The following NEUROD4 variants were observed in gnomAD, a reference collection of about 807,000 sequenced individuals.
NEUROD4 encodes the protein neurogenic differentiation factor 4.
In NEUROD4, 16 loss-of-function variants were observed where a neutral mutation model predicts 19.8. The observed-to-expected ratio is 0.81, with a 90% confidence interval of 0.55 to 1.23. The LOEUF is 1.23. Among genes scored for constraint, NEUROD4 ranks in the 50% most tolerant of loss-of-function variants. The pLI, the probability that NEUROD4 is intolerant of heterozygous loss-of-function variation, is 0.00. For synonymous variants in NEUROD4, 153 were observed against 147.9 expected, an observed-to-expected ratio of 1.03 and a Z score of -0.25; for missense variants, 439 against 398.6, an observed-to-expected ratio of 1.10 and a Z score of -0.86.
chr12:55,024,584 G>C (rs1181954273), intron 1 of NEUROD4, among the ~76,000 whole-genome samples: 1 of 152,188 alleles, frequency 6.6e-6, no homozygotes, highest in Admixed American at 6.5e-5. Context: ...CCTGCCTCTG[G>C]AAGAGCTGTG....
chr12:55,029,642 T>C lies in NEUROD4; in HGVS notation c.*2207T>C, dbSNP rs752278953. The C allele has an allele frequency of 2.9e-4, 48 of 167,004 alleles. No homozygotes were observed. Among genetic ancestry groups the C allele is most frequent in the Non-Finnish European group, 5.3e-4 (36 of 68,092 alleles). 10.3% of individuals were successfully genotyped at this position (167,004 alleles called of 1,614,324 possible). A position where few individuals can be genotyped will look rare whatever the true frequency, so the allele number is the denominator to read the frequency against. On this transcript the variant is annotated 3_prime_UTR_variant, in exon 2 of 2. Transcript: ENST00000242994. Reference sequence around the variant, plus strand: ...TTTGGAGTGAGGGGAAAGGAAAAAATAGAGAATTACCTCTGTGATAATTTT... The same window carrying C: ...TTTGGAGTGAGGGGAAAGGAAAAAACAGAGAATTACCTCTGTGATAATTTT...
At position 55,027,107 on chromosome 12, in the gene NEUROD4, A is replaced by G. The variant is rs118105704; in HGVS notation, c.668A>G (p.His223Arg). ...PYGHMETHLL[H>R]LKPQVFKSLG... ...GGTCATATGGAAACACATCTCCTTC[A>G]TCTCAAGCCCCAAGTATTCAAGAGT... The change falls in exon 2 of 2, where the codon CAT becomes CGT. Residue 223 changes from histidine (H) to arginine (R), a missense_variant. His to Arg is a conservative substitution (Grantham distance 29, BLOSUM62 0). Transcript: ENST00000242994. 0.017 allele frequency: 26,710 copies of G among 1,614,076 alleles called. 238 individuals carry two copies. Among genetic ancestry groups the G allele is most frequent in the Non-Finnish European group, 0.02 (23,401 of 1,179,996 alleles).
At position 55,027,612 on chromosome 12, in the gene NEUROD4, G is replaced by C; in HGVS notation, c.*177G>C. On this transcript the variant is annotated 3_prime_UTR_variant, in exon 2 of 2. Transcript: ENST00000242994. The stretch of plus-strand genomic sequence containing the variant: ...TCTTTTCTCATCACCTTCTCACATT[G>C]CATTGATTTCTTTATAGAGTCCTCA... The C allele has an allele frequency of 1.6e-6, 1 of 610,462 alleles. No homozygotes were observed. 37.8% of individuals were successfully genotyped at this position (610,462 alleles called of 1,614,324 possible).
Position 55,027,676 on chromosome 12 carries a change from A to G in NEUROD4, c.*241A>G, listed in dbSNP as rs1952751140. On this transcript the variant is annotated 3_prime_UTR_variant, in exon 2 of 2. Coordinates refer to ENST00000242994, the MANE Select transcript of NEUROD4 (RefSeq NM_021191.3). Reference sequence around the variant, plus strand: ...GATGATTTAACAACCATGTGAAAATAGAACAGAAGACCTGGGCCCTATTCC... The same window carrying G: ...GATGATTTAACAACCATGTGAAAATGGAACAGAAGACCTGGGCCCTATTCC... 2.3e-6 allele frequency: 1 copy of G among 429,448 alleles called. No homozygotes were observed. Among genetic ancestry groups the G allele is most frequent in the Non-Finnish European group, 4.2e-6 (1 of 235,416 alleles). The allele number at this position is 429,448 out of a possible 1,614,324, so 26.6% of individuals were successfully genotyped here. A position where few individuals can be genotyped will look rare whatever the true frequency, so the allele number is the denominator to read the frequency against.
rs77755589 is a variant in NEUROD4, at chr12:55,029,960, A to G, written c.*2525A>G. 0.057 allele frequency: 9,461 copies of G among 166,898 alleles called. 746 individuals are homozygous for G. Among genetic ancestry groups the G allele is most frequent in the African/African-American group, 0.18 (7,604 of 41,536 alleles). 10.3% of individuals were successfully genotyped at this position (166,898 alleles called of 1,614,324 possible). Reference sequence around the variant, plus strand: ...TAATTGTTTAAATATTTTGTTTAAAATATGACTGTTTTTCCTCCCTTTTTC... The same window carrying G: ...TAATTGTTTAAATATTTTGTTTAAAGTATGACTGTTTTTCCTCCCTTTTTC... On this transcript the variant is annotated 3_prime_UTR_variant, in exon 2 of 2. Transcript: ENST00000242994.
rs1429856157 is a variant in NEUROD4 at position 55,029,442 on chromosome 12, G to A, written c.*2007G>A. The A allele has an allele frequency of 1.2e-5, 2 of 166,882 alleles. No homozygotes were observed. The highest frequency in any genetic ancestry group is 4.8e-5 in the African/African-American group (2 of 41,428). 10.3% of individuals were successfully genotyped at this position (166,882 alleles called of 1,614,324 possible). A position where few individuals can be genotyped will look rare whatever the true frequency, so the allele number is the denominator to read the frequency against. On this transcript the variant is annotated 3_prime_UTR_variant, in exon 2 of 2. Coordinates refer to ENST00000242994, the MANE Select transcript of NEUROD4 (RefSeq NM_021191.3). ...CTATCCTCGAAGCTAGCATTTTCTGGCATTTAAGTTTGTAGATAATCACTG... is the reference window on the plus strand; with the variant it reads ...CTATCCTCGAAGCTAGCATTTTCTGACATTTAAGTTTGTAGATAATCACTG...
chr12:55,025,790 A>G (rs1952721711), intron 1 of NEUROD4, among the ~76,000 whole-genome samples: 1 of 152,198 alleles, frequency 6.6e-6, no homozygotes, highest in Non-Finnish European at 1.5e-5. Flanking sequence ...GAAGGAGATG[A>G]TTGAGGCCAC....
In NEUROD4 at chr12:55,029,236, T is replaced by G. The variant is rs1392289234; in HGVS notation, c.*1801T>G. 1 of 166,810 alleles carries G rather than the reference T, an allele frequency of 6.0e-6. No homozygotes were observed. The highest frequency in any genetic ancestry group is 1.5e-5 in the Non-Finnish European group (1 of 68,082). 10.3% of individuals were successfully genotyped at this position (166,810 alleles called of 1,614,324 possible). A position where few individuals can be genotyped will look rare whatever the true frequency, so the allele number is the denominator to read the frequency against. ...ACCCTGCTGTATTTTGCACCCTTGG[T>G]TTGTAAATTCACTTGAAAGTAGCCT... On this transcript the variant is annotated 3_prime_UTR_variant, in exon 2 of 2. Transcript: ENST00000242994.
In NEUROD4 at chr12:55,028,540, G is replaced by T. The variant is rs746962198; in HGVS notation, c.*1105G>T. 1.2e-5 allele frequency: 2 copies of T among 166,880 alleles called. No individual in the cohort carries two copies. The highest frequency in any genetic ancestry group is 4.8e-5 in the African/African-American group (2 of 41,386). The allele number at this position is 166,880 out of a possible 1,614,324, so 10.3% of individuals were successfully genotyped here. A position where few individuals can be genotyped will look rare whatever the true frequency, so the allele number is the denominator to read the frequency against. On this transcript the variant is annotated 3_prime_UTR_variant, in exon 2 of 2. Coordinates refer to ENST00000242994, the MANE Select transcript of NEUROD4 (RefSeq NM_021191.3). ...CAAGATGAATTTCATTTGGTTAAAC[G>T]TGATTAAAACCATCCACCTCTGTCC...
At position 55,026,824 on chromosome 12, in the gene NEUROD4, C is replaced by G; in HGVS notation, c.385C>G (p.Leu129Val). ...KTQKLSKIETLRLARNYIWAL... is the reference protein window; with the variant it reads ...KTQKLSKIETVRLARNYIWAL... ...CCAAAAACTTTCCAAGATAGAGACT[C>G]TTAGACTGGCCAGGAACTATATTTG... The change falls in exon 2 of 2, where the codon CTT becomes GTT. Residue 129 changes from leucine (L) to valine (V), a missense_variant. Transcript: ENST00000242994. 11 of 1,614,142 alleles carry G rather than the reference C, an allele frequency of 6.8e-6. No homozygotes were observed. The highest frequency in any genetic ancestry group is 9.3e-6 in the Non-Finnish European group (11 of 1,180,008).
chr12:55,026,071 C>G (rs1952724366), intron 1 of NEUROD4, among the ~76,000 whole-genome samples: 1 of 152,020 alleles, frequency 6.6e-6, no homozygotes, highest in Non-Finnish European at 1.5e-5. Context: ...TCTACTTGGA[C>G]AGTAATTTAT....
rs1952665921 is a variant in NEUROD4, at chr12:55,020,223, CCAT to C, written c.-98_-96del. 6.6e-6 allele frequency: 1 copy of C among 152,268 alleles called. No individual in the cohort carries two copies. Among genetic ancestry groups the C allele is most frequent in the South Asian group, 2.1e-4 (1 of 4,830 alleles). 9.4% of individuals were successfully genotyped at this position (152,268 alleles called of 1,614,324 possible). On this transcript the variant is annotated 5_prime_UTR_variant, in exon 1 of 2. Coordinates refer to ENST00000242994, the MANE Select transcript of NEUROD4 (RefSeq NM_021191.3). ...TGGATCGCTGAAAGCGTCTCTTCTA[CCAT>C]CTGGATGGTCAGGGAGACTTGGCTT...
In NEUROD4 at chr12:55,027,177, A is replaced by AC; in HGVS notation, c.743dup (p.Tyr249LeufsTer2). 6.2e-7 allele frequency: 1 copy of AC among 1,613,774 alleles called. No homozygotes were observed. The highest frequency in any genetic ancestry group is 1.7e-4 in the Middle Eastern group (1 of 6,058). ...GGAGCCATCTGCCTGACTGCAGTACACCCCCTTATGAGGGCCCACTCACTC... is the reference window on the plus strand; with the variant it reads ...GGAGCCATCTGCCTGACTGCAGTACACCCCCCTTATGAGGGCCCACTCACTC... On this transcript the variant is annotated frameshift_variant, in exon 2 of 2. Transcript: ENST00000242994. LOFTEE classifies it high-confidence loss of function.
rs1952666398 is a variant in NEUROD4, at chr12:55,020,284, A to G, written c.-39A>G. 6.6e-6 allele frequency: 1 copy of G among 152,202 alleles called. No homozygotes were observed. Among genetic ancestry groups the G allele is most frequent in the Non-Finnish European group, 1.5e-5 (1 of 68,096 alleles). The allele number at this position is 152,202 out of a possible 1,614,324, so 9.4% of individuals were successfully genotyped here. A position where few individuals can be genotyped will look rare whatever the true frequency, so the allele number is the denominator to read the frequency against. On this transcript the variant is annotated 5_prime_UTR_variant, in exon 1 of 2. Coordinates refer to ENST00000242994, the MANE Select transcript of NEUROD4 (RefSeq NM_021191.3). ...TGTCCTCTAAGACGCAGATTCACAG[A>G]GTTCACTCCAGGAACGGCCAGTGAC...
chr12:55,021,509 T>C (rs1353375780), intron 1 of NEUROD4, among the ~76,000 whole-genome samples: 1 of 152,184 alleles, frequency 6.6e-6, no homozygotes, highest in Non-Finnish European at 1.5e-5. Flanking sequence ...TATTAATTAG[T>C]TGAAATATCT....
chr12:55,027,593 C>T lies in NEUROD4; in HGVS notation c.*158C>T, dbSNP rs1952750506. 3.0e-6 allele frequency: 2 copies of T among 672,064 alleles called. No homozygotes were observed. The highest frequency in any genetic ancestry group is 5.2e-6 in the Non-Finnish European group (2 of 385,620). 41.6% of individuals were successfully genotyped at this position (672,064 alleles called of 1,614,324 possible). ...CTTTCCTTCACCTATCACCTCTTTT[C>T]TCATCACCTTCTCACATTGCATTGA... On this transcript the variant is annotated 3_prime_UTR_variant, in exon 2 of 2. Transcript: ENST00000242994.
At position 55,027,059 on chromosome 12, in the gene NEUROD4, C is replaced by T. The variant is rs191997006; in HGVS notation, c.620C>T (p.Pro207Leu). ...ISVHNFNYQS[P>L]GLPSPPYGHM... ...GTCCACAACTTCAACTATCAGTCTCCGGGGCTTCCTAGCCCTCCTTATGGT... is the reference window on the plus strand; with the variant it reads ...GTCCACAACTTCAACTATCAGTCTCTGGGGCTTCCTAGCCCTCCTTATGGT... Residue 207 changes from proline to leucine, a missense_variant, in exon 2 of 2, where the codon CCG (proline) becomes CTG (leucine). Pro to Leu is a moderately conservative substitution (Grantham distance 98). Transcript: ENST00000242994. The T allele has an allele frequency of 3.4e-5, 55 of 1,614,068 alleles. 1 individual carries two copies. The highest frequency in any genetic ancestry group is 3.3e-4 in the South Asian group (30 of 91,082).
chr12:55,024,853 A>G (rs1952709348), intron 1 of NEUROD4, among the ~76,000 whole-genome samples: 1 of 152,248 alleles, frequency 6.6e-6, no homozygotes. Context: ...TGCTTTCGCA[A>G]TGCAGTTACA....
intron 1 of NEUROD4, among the ~76,000 whole-genome samples, chr12:55,023,297 C>T (rs1952687808): frequency 4.6e-5 from 7 of 152,054 alleles, no homozygotes; most frequent in African/African-American, 9.7e-5. Flanking sequence ...AAGAGACACA[C>T]TAGTTGATAC....
Sources: gnomAD v4.1 joint callset for allele counts (sites outside exome capture counted in the v4.1 genomes callset) on GRCh38, gnomAD v4.1.1 for gene constraint, MANE v1.5 for transcripts, NCBI Gene and HGNC (gene_info 2026-07-23, HGNC 2026-07-21) for gene names.